Variants in DMD observed in about 807,000 individuals in gnomAD.
DMD encodes mutant dystrophin.
DMD carries 63 observed loss-of-function variants against 330.1 expected under a neutral mutation model. The observed-to-expected ratio is 0.19, with a 90% confidence interval of 0.16 to 0.24. The LOEUF is 0.24. DMD is among the 10% of genes least tolerant of loss of function. The pLI, the probability that DMD is intolerant of heterozygous loss-of-function variation, is 1.00. For missense variants in DMD, 3,344 were observed against 2,684.1 expected (o/e 1.25, Z -5.43); for synonymous variants, 1,223 against 959.8 (o/e 1.27, Z -5.07).
chrX:33,314,297 G>A (rs891517146), intron 1 of DMD, among the ~76,000 whole-genome samples: 4 of 108,811 alleles, frequency 3.7e-5, no homozygotes, highest in Admixed American at 9.9e-5. Flanking sequence ...TCACTCTGTC[G>A]CCCAGGCTGG....
Position 32,573,727 on chromosome X carries a change from T to C in DMD, c.1704+18A>G. 1 of 1,204,684 alleles carries C rather than the reference T, an allele frequency of 8.3e-7. No homozygotes were observed. The highest frequency in any genetic ancestry group is 1.1e-6 in the Non-Finnish European group (1 of 889,191). ...TCCCCCCGTGTCTTTTACAGCTAGT[T>C]TCTCACACATGACACACCTGTTCTT... is the stretch of plus-strand genomic sequence containing the variant. On this transcript the variant is annotated intron_variant, in intron 14 of 78. Coordinates refer to ENST00000357033, the MANE Select transcript of DMD (RefSeq NM_004006.3).
chrX:31,529,384 C>G lies in DMD; in HGVS notation c.8218-21931G>C, dbSNP rs758529734. Among the ~76,000 whole-genome samples, 4 of 109,652 alleles carry G rather than the reference C, an allele frequency of 3.6e-5. No homozygotes were observed. In the East Asian group the frequency reaches 1.1e-3, roughly 31 times the overall value. The stretch of plus-strand genomic sequence containing the variant: ...TGGGTGACAGAGCAAGACTCTGTCT[C>G]TAAAATAAATAAAATAAAATAAAAT... On this transcript the variant is annotated intron_variant, in intron 55 of 78. Transcript: ENST00000357033.
intron 1 of DMD, among the ~76,000 whole-genome samples, chrX:33,268,134 C>A (rs1307550724): frequency 9.1e-6 from 1 of 109,561 alleles, no homozygotes; most frequent in African/African-American, 3.3e-5. Context: ...GGATTACAGG[C>A]GTCTGCCACC....
At chrX:31,955,228 T>C (rs2095233351) in intron 45 of DMD, among the ~76,000 whole-genome samples, 1 of 111,413 alleles carries the variant, frequency 9.0e-6, no homozygotes, top group Admixed American at 9.6e-5. Context: ...TCCTTAGACA[T>C]AAGAGGAAGC....
intron 43 of DMD, among the ~76,000 whole-genome samples, chrX:32,227,615 C>T (rs1423979438): frequency 4.6e-5 from 5 of 108,833 alleles, no homozygotes; most frequent in Non-Finnish European, 1.9e-5. Flanking sequence ...AGAAAAGGTA[C>T]ATCATTTGCA....
chrX:32,482,291 T>C (rs370449265), intron 21 of DMD, among the ~76,000 whole-genome samples: 1 of 111,407 alleles, frequency 9.0e-6, no homozygotes. Context: ...TCAACTGTCA[T>C]GGGAAACAAT....
chrX:32,630,652 A>G (rs972366491), intron 11 of DMD, among the ~76,000 whole-genome samples: 2 of 109,992 alleles, frequency 1.8e-5, no homozygotes, highest in Non-Finnish European at 3.8e-5. Context: ...AAATCTTTCA[A>G]CTCCAGAATT....
chrX:32,421,844 A>G (rs930412860), intron 29 of DMD, among the ~76,000 whole-genome samples: 2 of 111,794 alleles, frequency 1.8e-5, no homozygotes. Context: ...TAAGATGTGG[A>G]CAATGCCTAC....
intron 43 of DMD, among the ~76,000 whole-genome samples, chrX:32,276,154 G>A: frequency 8.9e-6 from 1 of 112,254 alleles, no homozygotes; most frequent in African/African-American, 3.2e-5. Flanking sequence ...CTCAGTCAGT[G>A]CCTGTGCACG....
At chrX:32,654,991 G>T (rs2060454566) in intron 9 of DMD, among the ~76,000 whole-genome samples, 1 of 111,417 alleles carries the variant, frequency 9.0e-6, no homozygotes, top group Non-Finnish European at 1.9e-5. Flanking sequence ...GATCGGTGGT[G>T]ATATCCCCTT....
At chrX:31,236,298 A>G (rs1258099654) in intron 63 of DMD, among the ~76,000 whole-genome samples, 1 of 112,651 alleles carries the variant, frequency 8.9e-6, no homozygotes, top group Non-Finnish European at 1.9e-5. Flanking sequence ...TCTGTGTTTA[A>G]GATACAATTG....
intron 7 of DMD, among the ~76,000 whole-genome samples, chrX:32,770,212 A>G (rs1453733438): frequency 8.9e-6 from 1 of 111,827 alleles, no homozygotes; most frequent in East Asian, 2.8e-4. Context: ...TGTCATCTTC[A>G]AACACTAATT....
intron 13 of DMD, among the ~76,000 whole-genome samples, chrX:32,586,008 C>A (rs2054253411): frequency 1.8e-5 from 2 of 110,999 alleles, no homozygotes; most frequent in South Asian, 7.4e-4. Context: ...ACTTACAGCA[C>A]ATTGGCTTTG....
At chrX:31,920,112 A>G (rs778370425) in intron 47 of DMD, among the ~76,000 whole-genome samples, 8 of 112,213 alleles carry the variant, frequency 7.1e-5, no homozygotes, top group African/African-American at 2.6e-4. Context: ...TCCCTTTTCT[A>G]TGGTTTGAAG....
intron 47 of DMD, among the ~76,000 whole-genome samples, chrX:31,884,763 C>T (rs571881745): frequency 9.0e-6 from 1 of 111,378 alleles, no homozygotes; most frequent in African/African-American, 3.2e-5. Flanking sequence ...TACACCATGA[C>T]AATAATACAA....
intron 55 of DMD, among the ~76,000 whole-genome samples, chrX:31,550,947 A>G (rs1316363535): frequency 3.6e-5 from 4 of 111,873 alleles, no homozygotes; most frequent in Non-Finnish European, 7.5e-5. Flanking sequence ...TTGGGAGGCC[A>G]AGGCGGGCGG....
At chrX:32,499,767 A>G (rs1370660983) in intron 19 of DMD, among the ~76,000 whole-genome samples, 1 of 111,132 alleles carries the variant, frequency 9.0e-6, no homozygotes, top group Non-Finnish European at 1.9e-5. Context: ...TAAAGGAGCT[A>G]TTATGATTTA....
chrX:32,815,490 C>T (rs1229054004), intron 6 of DMD, among the ~76,000 whole-genome samples: 1 of 63,856 alleles, frequency 1.6e-5, no homozygotes, highest in African/African-American at 6.4e-5. Context: ...TACACACACA[C>T]AAGCATATAT....
rs779622187 is a variant in DMD at position 32,343,122 on chromosome X, AAAC to A, written c.5739+9_5739+11del. On this transcript the variant is annotated intron_variant, in intron 40 of 78. Transcript: ENST00000357033. ...AATAAAATCTGGTATTGACATTCTAAAACAACATTACCTTTATTTTCCTTTCAT... is the reference window on the plus strand; with the variant it reads ...AATAAAATCTGGTATTGACATTCTAAAACATTACCTTTATTTTCCTTTCAT... The A allele has an allele frequency of 5.8e-6, 7 of 1,206,189 alleles. No homozygotes were observed. The highest frequency in any genetic ancestry group is 2.2e-5 in the Admixed American group (1 of 45,691).
Sources: allele counts gnomAD v4.1 joint callset (sites outside exome capture counted in the v4.1 genomes callset), GRCh38; gene constraint gnomAD v4.1.1; transcripts MANE v1.5; gene names NCBI Gene and HGNC (gene_info 2026-07-23, HGNC 2026-07-21).